LYPD1: variants seen among roughly 807,000 people sequenced by gnomAD.
The protein encoded by LYPD1 is ly6/PLAUR domain-containing protein 1.
In LYPD1, 14 loss-of-function variants were observed where a neutral mutation model predicts 14.2. That is an observed-to-expected ratio of 0.99 (90% CI 0.65 to 1.54). LYPD1 has a LOEUF of 1.54. LYPD1 is among the 40% of genes most tolerant of loss of function. LYPD1 has a pLI of 0.00. For missense variants in LYPD1, 165 were observed against 175.7 expected (o/e 0.94, Z 0.34); for synonymous variants, 85 against 70.6 (o/e 1.20, Z -1.02).
At chr2:132,660,733 T>TTTG (rs1001127712) in intron 2 of LYPD1, among the ~76,000 whole-genome samples, 21 of 152,322 alleles carry the variant, frequency 1.4e-4, no homozygotes, top group African/African-American at 5.1e-4. Flanking sequence ...AGAATCCAGC[T>TTTG]TAGTCTTCTA....
At chr2:132,656,698 A>G (rs182464546) in intron 2 of LYPD1, among the ~76,000 whole-genome samples, 169 of 152,306 alleles carry the variant, frequency 1.1e-3, no homozygotes, top group African/African-American at 3.6e-3. Context: ...TTTCTGGAGA[A>G]TTTTGTGCTC....
At position 132,669,731 on chromosome 2, in the gene LYPD1, GC is replaced by G; in HGVS notation, c.52+149del. The G allele has an allele frequency of 7.0e-7, 1 of 1,429,434 alleles. No homozygotes were observed. The highest frequency in any genetic ancestry group is 2.9e-5 in the Admixed American group (1 of 34,394). The allele number at this position is 1,429,434 out of a possible 1,614,324, so 88.5% of individuals were successfully genotyped here. ...GACTTGGACACTTTCCCAGCCTCGC[GC>G]CCCGGGGCACCAGTCGCGGCCGCCA... is the stretch of plus-strand genomic sequence containing the variant. On this transcript the variant is annotated intron_variant, in intron 1 of 2. Transcript: ENST00000397463. The surrounding 1 kb of genome is among the most constrained non-coding windows in gnomAD (Gnocchi z 4.3).
At chr2:132,662,043 G>T (rs1177942454) in intron 2 of LYPD1, among the ~76,000 whole-genome samples, 1 of 151,902 alleles carries the variant, frequency 6.6e-6, no homozygotes, top group African/African-American at 2.4e-5. Context: ...CAACTATCAA[G>T]TGGGGATATT....
chr2:132,644,077 C>A lies in LYPD1; in HGVS notation c.*1968G>T, dbSNP rs1039476213. Among the ~76,000 whole-genome samples the A allele has an allele frequency of 2.6e-5, 4 of 152,170 alleles. No homozygotes were observed. Among genetic ancestry groups the A allele is most frequent in the Admixed American group, 6.5e-5 (1 of 15,280 alleles). ...AGAGAGAGCAAATGCTTCACAGATC[C>A]CCTGATCTTCCTTTGTTCTTTTTTG... On this transcript the variant is annotated 3_prime_UTR_variant, in exon 3 of 3. Transcript: ENST00000397463.
rs1427317075 is a variant in LYPD1 at position 132,670,076 on chromosome 2, G to A, written c.-144C>T. 2 of 1,493,330 alleles carry A rather than the reference G, an allele frequency of 1.3e-6. No homozygotes were observed. The highest frequency in any genetic ancestry group is 1.8e-6 in the Non-Finnish European group (2 of 1,129,750). The allele number at this position is 1,493,330 out of a possible 1,614,324, so 92.5% of individuals were successfully genotyped here. On this transcript the variant is annotated 5_prime_UTR_variant, in exon 1 of 3. Coordinates refer to ENST00000397463, the MANE Select transcript of LYPD1 (RefSeq NM_144586.7). This position sits in a 1 kb window ranked among gnomAD's most constrained non-coding sequence, Gnocchi z 4.5. The stretch of plus-strand genomic sequence containing the variant: ...GCGGAGACGACGGTCGTAGCTTAGA[G>A]GAGCCGCAGGTGCCGCTCGCGGAGC...
In LYPD1 at chr2:132,669,301, G is replaced by T. The variant is rs867528167; in HGVS notation, c.52+580C>A. The stretch of plus-strand genomic sequence containing the variant: ...CGGGGTTCCAGCTCTGCAGAGCTTA[G>T]TCGGGAGCCAGTAGGCGAACTGGAG... On this transcript the variant is annotated intron_variant, in intron 1 of 2. Coordinates refer to ENST00000397463, the MANE Select transcript of LYPD1 (RefSeq NM_144586.7). The surrounding 1 kb of genome is among the most constrained non-coding windows in gnomAD (Gnocchi z 4.3). 1.5e-4 allele frequency among the ~76,000 whole-genome samples: 23 copies of T among 152,274 alleles called. No individual in the cohort carries two copies. In the Middle Eastern group the frequency reaches 0.01, roughly 68 times the overall value.
In LYPD1 at chr2:132,644,611, T is replaced by G. The variant is rs543449000; in HGVS notation, c.*1434A>C. Among the ~76,000 whole-genome samples the G allele has an allele frequency of 6.6e-6, 1 of 152,356 alleles. No individual in the cohort carries two copies. The highest frequency in any genetic ancestry group is 1.9e-4 in the East Asian group (1 of 5,184). On this transcript the variant is annotated 3_prime_UTR_variant, in exon 3 of 3. Transcript: ENST00000397463. The stretch of plus-strand genomic sequence containing the variant: ...AGTGTCATTAAATATGCTGCTTTGT[T>G]GCCAAAGGGACACTTCTTCCATTTG...
In LYPD1 at chr2:132,668,416, C is replaced by G. The variant is rs1683412986; in HGVS notation, c.174G>C (p.Val58=). 1 of 1,605,608 alleles carries G rather than the reference C, an allele frequency of 6.2e-7. No individual in the cohort carries two copies. The highest frequency in any genetic ancestry group is 8.5e-7 in the Non-Finnish European group (1 of 1,176,050). Residue 58 remains valine, a synonymous_variant, in exon 2 of 3, where the codon GTG becomes GTC. Coordinates refer to ENST00000397463, the MANE Select transcript of LYPD1 (RefSeq NM_144586.7). ...VNVQDMCQKE[V]MEQSAGIMYR... ...GGCTCTTACCGGCACTTTGCTCCAT[C>G]ACTTCTTTCTGACACATGTCTTGAA...
rs1469625928 is a variant in LYPD1 at position 132,645,887 on chromosome 2, G to A, written c.*158C>T. The stretch of plus-strand genomic sequence containing the variant: ...CTGAATTTATTCAGAATGCTTTACC[G>A]AGCTCTTTCATTATTTGCACAGGAA... On this transcript the variant is annotated 3_prime_UTR_variant, in exon 3 of 3. Coordinates refer to ENST00000397463, the MANE Select transcript of LYPD1 (RefSeq NM_144586.7). The A allele has an allele frequency of 1.1e-5, 7 of 661,458 alleles. No individual in the cohort carries two copies. Among genetic ancestry groups the A allele is most frequent in the Non-Finnish European group, 1.5e-5 (6 of 396,804 alleles). 41.0% of individuals were successfully genotyped at this position (661,458 alleles called of 1,614,324 possible).
In LYPD1 at chr2:132,669,263, T is replaced by C. The variant is rs1683484919; in HGVS notation, c.52+618A>G. Among the ~76,000 whole-genome samples, 3 of 152,134 alleles carry C rather than the reference T, an allele frequency of 2.0e-5. No individual in the cohort carries two copies. Among genetic ancestry groups the C allele is most frequent in the African/African-American group, 7.2e-5 (3 of 41,448 alleles). On this transcript the variant is annotated intron_variant, in intron 1 of 2. Transcript: ENST00000397463. This position sits in a 1 kb window ranked among gnomAD's most constrained non-coding sequence, Gnocchi z 4.3. ...CCGGCTTTCAGGACAACCGTTCGACTAGGGTCAGTGGTCGGGGTTCCAGCT... is the reference window on the plus strand; with the variant it reads ...CCGGCTTTCAGGACAACCGTTCGACCAGGGTCAGTGGTCGGGGTTCCAGCT...
chr2:132,655,600 C>G (rs1325626122), intron 2 of LYPD1, among the ~76,000 whole-genome samples: 1 of 145,144 alleles, frequency 6.9e-6, no homozygotes, highest in Non-Finnish European at 1.5e-5. Flanking sequence ...CTGCAACCTC[C>G]GCCTCCTGGG....
chr2:132,643,432 A>G lies in LYPD1; in HGVS notation c.*2613T>C, dbSNP rs1418127937. 1.3e-5 allele frequency among the ~76,000 whole-genome samples: 2 copies of G among 152,208 alleles called. No homozygotes were observed. The highest frequency in any genetic ancestry group is 6.5e-5 in the Admixed American group (1 of 15,280). On this transcript the variant is annotated 3_prime_UTR_variant, in exon 3 of 3. Transcript: ENST00000397463. Reference sequence around the variant, plus strand: ...TTTGAACACAGCTAGGGTCCCCTCCAACAGCAGGCAAGGAATACTCAGGCC... The same window carrying G: ...TTTGAACACAGCTAGGGTCCCCTCCGACAGCAGGCAAGGAATACTCAGGCC...
intron 2 of LYPD1, among the ~76,000 whole-genome samples, chr2:132,665,813 CAG>C (rs1417584903): frequency 1.3e-5 from 2 of 152,188 alleles, no homozygotes; most frequent in East Asian, 3.8e-4. Flanking sequence ...CTTCTTTAAG[CAG>C]AGACCCAGGC....
Position 132,669,836 on chromosome 2 carries a change from A to G in LYPD1, c.52+45T>C. 1 of 1,606,612 alleles carries G rather than the reference A, an allele frequency of 6.2e-7. No homozygotes were observed. Among genetic ancestry groups the G allele is most frequent in the Non-Finnish European group, 8.5e-7 (1 of 1,176,308 alleles). ...GGCAAAAGGGCTGGCGGGTAGATGG[A>G]TTGTGCGCACCTGGCCTCGGCTGCT... On this transcript the variant is annotated intron_variant, in intron 1 of 2. Transcript: ENST00000397463. The surrounding 1 kb of genome is among the most constrained non-coding windows in gnomAD (Gnocchi z 4.3).
At chr2:132,652,542 G>A (rs1573730549) in intron 2 of LYPD1, among the ~76,000 whole-genome samples, 1 of 152,258 alleles carries the variant, frequency 6.6e-6, no homozygotes, top group African/African-American at 2.4e-5. Context: ...AGGCTCAACT[G>A]GTAGATGAAG....
chr2:132,663,095 G>A (rs1449046943), intron 2 of LYPD1: 1 of 152,152 alleles, frequency 6.6e-6, no homozygotes, highest in Non-Finnish European at 1.5e-5. Context: ...AGAGCAAGGT[G>A]TTTGTTCTTT....
At chr2:132,665,719 C>G (rs2104925472) in intron 2 of LYPD1, among the ~76,000 whole-genome samples, 1 of 152,294 alleles carries the variant, frequency 6.6e-6, no homozygotes, top group Admixed American at 6.5e-5. Flanking sequence ...TTGTCCAGAT[C>G]AGTTCTCAAC....
chr2:132,664,058 T>TATGTGTGTGTGTGC (rs1683124836), intron 2 of LYPD1, among the ~76,000 whole-genome samples: 1 of 151,798 alleles, frequency 6.6e-6, no homozygotes, highest in Non-Finnish European at 1.5e-5. Context: ...TGTGTGTGTG[T>TATGTGTGTGTGTGC]GCACATATGT....
rs565843237 is a variant in LYPD1 at position 132,643,667 on chromosome 2, G to A, written c.*2378C>T. On this transcript the variant is annotated 3_prime_UTR_variant, in exon 3 of 3. Transcript: ENST00000397463. ...AGTATCTGAGACCACAGGTGTGTAT[G>A]TACCACCATGCCTGGCTAAGTTTTT... 7.9e-5 allele frequency among the ~76,000 whole-genome samples: 12 copies of A among 152,102 alleles called. No individual in the cohort carries two copies. The highest frequency in any genetic ancestry group is 2.4e-4 in the African/African-American group (10 of 41,358).
Sources: allele counts gnomAD v4.1 joint callset (sites outside exome capture counted in the v4.1 genomes callset), GRCh38; gene constraint gnomAD v4.1.1; non-coding constraint Gnocchi (gnomAD v3.1); transcripts MANE v1.5; gene names NCBI Gene and HGNC (gene_info 2026-07-23, HGNC 2026-07-21).